The following ENTPD1 variants were observed in gnomAD, a reference collection of about 807,000 sequenced individuals.
ENTPD1 encodes ATP diphosphohydrolase.
A neutral mutation model predicts 57.0 loss-of-function variants in ENTPD1; 33 were observed. The observed-to-expected ratio is 0.58, with a 90% CI of 0.44 to 0.77. ENTPD1 has a LOEUF of 0.77. Among genes scored for constraint, ENTPD1 ranks in the 30% least tolerant of loss-of-function variants. ENTPD1 has a pLI of 0.00. For synonymous variants in ENTPD1, 202 were observed against 218.8 expected (o/e 0.92, Z 0.68); for missense variants, 501 against 603.4 (o/e 0.83, Z 1.78).
At chr10:95,764,718 ATTT>A (rs34082135) in intron 1 of ENTPD1, among the ~76,000 whole-genome samples, 2 of 103,560 alleles carry the variant, frequency 1.9e-5, no homozygotes, top group Non-Finnish European at 3.7e-5. Flanking sequence ...TCCTTTGCCC[ATTT>A]TTTTTTTTTT....
intron 1 of ENTPD1, among the ~76,000 whole-genome samples, chr10:95,724,454 G>T (rs1278005984): frequency 6.6e-6 from 1 of 152,122 alleles, no homozygotes; most frequent in Non-Finnish European, 1.5e-5. Flanking sequence ...CTCTGACCTG[G>T]GGTTCTTGGC....
At chr10:95,731,414 C>G (rs573974211) in intron 1 of ENTPD1, among the ~76,000 whole-genome samples, 24 of 152,284 alleles carry the variant, frequency 1.6e-4, no homozygotes, top group Non-Finnish European at 3.4e-4. Flanking sequence ...CTCTGGGCCC[C>G]CTACCCATGT....
chr10:95,753,282 A>G (rs2098015046), upstream of ENTPD1: 2 of 152,196 alleles, frequency 1.3e-5, no homozygotes, highest in Non-Finnish European at 2.9e-5. Context: ...CATCTCTTTT[A>G]TAATTATTCT....
At position 95,866,639 on chromosome 10, in the gene ENTPD1, A is replaced by G. The variant is rs771015102; in HGVS notation, c.*256A>G. 109 of 1,325,266 alleles carry G rather than the reference A, an allele frequency of 8.2e-5. No homozygotes were observed. Among genetic ancestry groups the G allele is most frequent in the Admixed American group, 3.8e-4 (12 of 31,452 alleles). 82.1% of individuals were successfully genotyped at this position (1,325,266 alleles called of 1,614,324 possible). ...TTTCTCCTTTGTACTTTGTGCTTGT[A>G]TAGGTTTTAAAGACCTGACACCTTT... On this transcript the variant is annotated 3_prime_UTR_variant, in exon 10 of 10. Transcript: ENST00000371205.
intron 1 of ENTPD1, among the ~76,000 whole-genome samples, chr10:95,806,319 T>C (rs2098272341): frequency 6.6e-6 from 1 of 152,246 alleles, no homozygotes; most frequent in Admixed American, 6.5e-5. Context: ...ACATAGTTCT[T>C]GTGCCATGGT....
chr10:95,728,422 T>C (rs1001266975), intron 1 of ENTPD1, among the ~76,000 whole-genome samples: 2 of 152,232 alleles, frequency 1.3e-5, no homozygotes, highest in Non-Finnish European at 2.9e-5. Context: ...AAAAGGTGAA[T>C]TGTCCATCTG....
intron 1 of ENTPD1, among the ~76,000 whole-genome samples, chr10:95,731,584 C>A (rs1401640435): frequency 1.3e-5 from 2 of 152,038 alleles, no homozygotes; most frequent in East Asian, 1.9e-4. Context: ...CAGGGAACAC[C>A]CCTTAATGAA....
At chr10:95,717,856 C>A (rs1454336090) in intron 1 of ENTPD1, among the ~76,000 whole-genome samples, 1 of 152,172 alleles carries the variant, frequency 6.6e-6, no homozygotes, top group East Asian at 1.9e-4. Flanking sequence ...GCAGGCCGGT[C>A]CAGGGGTCTG....
the ENTPD1 span, among the ~76,000 whole-genome samples, chr10:95,701,493 G>C: frequency 6.6e-6 from 1 of 152,060 alleles, no homozygotes; most frequent in Non-Finnish European, 1.5e-5. Flanking sequence ...CAGAGTAAAA[G>C]ATTTTTATCA....
intron 1 of ENTPD1, among the ~76,000 whole-genome samples, chr10:95,764,933 G>C (rs2140035414): frequency 6.6e-6 from 1 of 152,118 alleles, no homozygotes; most frequent in Non-Finnish European, 1.5e-5. Context: ...TGTTGGCCAG[G>C]CTGGTCTCGA....
At position 95,791,210 on chromosome 10, in the gene ENTPD1, A is replaced by G. The variant is rs539263485; in HGVS notation, c.17-32027A>G. Among the ~76,000 whole-genome samples, 77 of 152,334 alleles carry G rather than the reference A, an allele frequency of 5.1e-4. No homozygotes were observed. Among genetic ancestry groups the G allele is most frequent in the African/African-American group, 9.4e-4 (39 of 41,590 alleles). On this transcript the variant is annotated intron_variant, in intron 1 of 9. Transcript: ENST00000371205. The surrounding 1 kb of genome is among the most constrained non-coding windows in gnomAD (Gnocchi z 4.1). ...TAAACAGTGTTAATGTTTAGTTTCC[A>G]GGTGAAGGGCTATAATAACTTCACT...
chr10:95,729,183 C>A (rs1028679214), intron 1 of ENTPD1, among the ~76,000 whole-genome samples: 19 of 152,104 alleles, frequency 1.2e-4, no homozygotes, highest in Admixed American at 2.6e-4. Context: ...TTCTCTCCAG[C>A]CTTTCTCTTT....
chr10:95,786,487 A>G (rs993536889), intron 1 of ENTPD1, among the ~76,000 whole-genome samples: 2 of 152,098 alleles, frequency 1.3e-5, no homozygotes, highest in African/African-American at 4.8e-5. Context: ...GTATTGCACT[A>G]CCGTCCTTTG....
At chr10:95,788,855 A>T (rs535690524) in intron 1 of ENTPD1, among the ~76,000 whole-genome samples, 1 of 152,202 alleles carries the variant, frequency 6.6e-6, no homozygotes, top group South Asian at 2.1e-4. Context: ...TATAAAATAA[A>T]CAGTTTTCCC....
chr10:95,857,618 G>A (rs558416713), intron 7 of ENTPD1, among the ~76,000 whole-genome samples: 2 of 152,318 alleles, frequency 1.3e-5, no homozygotes, highest in South Asian at 2.1e-4. Flanking sequence ...TTAGCTATGC[G>A]AATCCAAGCA....
intron 1 of ENTPD1, among the ~76,000 whole-genome samples, chr10:95,713,748 A>C (rs2097968398): frequency 6.6e-6 from 1 of 152,252 alleles, no homozygotes; most frequent in Non-Finnish European, 1.5e-5. Context: ...CAAAAAAGGT[A>C]GACAGGATAT....
At chr10:95,796,077 T>C (rs181076551) in intron 1 of ENTPD1, among the ~76,000 whole-genome samples, 9 of 152,334 alleles carry the variant, frequency 5.9e-5, no homozygotes, top group African/African-American at 2.2e-4. Context: ...AGTTAAAACA[T>C]GTTTGAAGTA....
At chr10:95,706,056 G>T in the ENTPD1 span, among the ~76,000 whole-genome samples, 1 of 152,218 alleles carries the variant, frequency 6.6e-6, no homozygotes, top group Non-Finnish European at 1.5e-5. Context: ...CAGTGATCAT[G>T]CCACTGCATT....
At chr10:95,702,907 A>G in the ENTPD1 span, among the ~76,000 whole-genome samples, 1 of 152,096 alleles carries the variant, frequency 6.6e-6, no homozygotes, top group Non-Finnish European at 1.5e-5. Flanking sequence ...CAGCCTCCAG[A>G]GTAGCTGGGA....
Sources: gnomAD v4.1 joint callset for allele counts (sites outside exome capture counted in the v4.1 genomes callset) on GRCh38, gnomAD v4.1.1 for gene constraint, Gnocchi (gnomAD v3.1) non-coding constraint, MANE v1.5 for transcripts, NCBI Gene and HGNC (gene_info 2026-07-23, HGNC 2026-07-21) for gene names.